The following MEIS2 variants were observed in gnomAD, a reference collection of about 807,000 sequenced individuals.
The protein encoded by MEIS2 is homeobox protein Meis2.
MEIS2 carries 9 observed loss-of-function variants against 58.6 expected under a neutral mutation model. The observed-to-expected ratio is 0.15, with a 90% CI of 0.09 to 0.27. MEIS2 has a LOEUF of 0.27. MEIS2 is among the 10% of genes least tolerant of loss of function. The pLI, the probability that MEIS2 is intolerant of heterozygous loss-of-function variation, is 1.00. For missense variants in MEIS2, 427 were observed against 635.0 expected, an observed-to-expected ratio of 0.67 and a Z score of 3.52; for synonymous variants, 221 against 228.4, an observed-to-expected ratio of 0.97 and a Z score of 0.29.
rs115403030 is a variant in MEIS2 at position 36,950,139 on chromosome 15, A to G, written c.977+185T>C. Among the ~76,000 whole-genome samples the G allele has an allele frequency of 5.7e-3, 867 of 152,056 alleles. 8 individuals are homozygous for G. Among genetic ancestry groups the G allele is most frequent in the African/African-American group, 0.019 (809 of 41,512 alleles). The stretch of plus-strand genomic sequence containing the variant: ...AAAAAGAAAAGGAATAAATCCTACA[A>G]AAACCATTTCCCTAGGTTACCTTTT... On this transcript the variant is annotated intron_variant, in intron 9 of 11. Transcript: ENST00000561208.
At position 37,079,735 on chromosome 15, in the gene MEIS2, C is replaced by T. The variant is rs1278404063; in HGVS notation, c.754+4036G>A. ...TAGCTATGAGGAATTCTAGCCTCAT[C>T]GCCTGGAAAATAGATGGGGACATCA... On this transcript the variant is annotated intron_variant, in intron 7 of 11. Coordinates refer to ENST00000561208, the MANE Select transcript of MEIS2 (RefSeq NM_170675.5). Among the ~76,000 whole-genome samples the T allele has an allele frequency of 1.1e-4, 16 of 152,170 alleles. No individual in the cohort carries two copies. The South Asian group carries it at 2.7e-3, about 26-fold the overall frequency.
intron 9 of MEIS2, among the ~76,000 whole-genome samples, chr15:36,924,133 A>G (rs2057641503): frequency 6.6e-6 from 1 of 152,230 alleles, no homozygotes; most frequent in African/African-American, 2.4e-5. Flanking sequence ...GCTAATCATT[A>G]CTTCATAAGC....
chr15:36,927,677 T>C (rs985806803), intron 9 of MEIS2, among the ~76,000 whole-genome samples: 1 of 151,928 alleles, frequency 6.6e-6, no homozygotes, highest in African/African-American at 2.4e-5. Flanking sequence ...CGTGTTTCTA[T>C]TTTAATATAA....
At chr15:36,958,686 T>G (rs1231922456) in intron 8 of MEIS2, among the ~76,000 whole-genome samples, 1 of 152,192 alleles carries the variant, frequency 6.6e-6, no homozygotes, top group Non-Finnish European at 1.5e-5. Context: ...AACAGAAATA[T>G]ATTCCCAAGG....
chr15:36,928,634 G>C (rs2057844662), intron 9 of MEIS2, among the ~76,000 whole-genome samples: 1 of 152,180 alleles, frequency 6.6e-6, no homozygotes, highest in African/African-American at 2.4e-5. Context: ...TGTACCCTCT[G>C]TTACCTAATC....
intron 7 of MEIS2, among the ~76,000 whole-genome samples, chr15:37,072,732 G>A (rs1890875578): frequency 6.6e-6 from 1 of 151,960 alleles, no homozygotes; most frequent in Non-Finnish European, 1.5e-5. Flanking sequence ...CAATGTGCGG[G>A]TTAGTTACAT....
chr15:36,930,265 C>T (rs2057923486), intron 9 of MEIS2, among the ~76,000 whole-genome samples: 3 of 145,892 alleles, frequency 2.1e-5, no homozygotes, highest in African/African-American at 5.1e-5. Context: ...GAATAAACCA[C>T]AGAGATATGT....
chr15:36,889,832 AAATAG>A lies in MEIS2; in HGVS notation c.*2336_*2340del, dbSNP rs1567009763. On this transcript the variant is annotated 3_prime_UTR_variant, in exon 12 of 12. Coordinates refer to ENST00000561208, the MANE Select transcript of MEIS2 (RefSeq NM_170675.5). The stretch of plus-strand genomic sequence containing the variant: ...AAAATTTACAAAAAGACTTCATGTA[AAATAG>A]AATAGCAAAAATGAGAGGGAAGCTA... 2 of 152,252 alleles carry A rather than the reference AAATAG, an allele frequency of 1.3e-5. No individual in the cohort carries two copies. The highest frequency in any genetic ancestry group is 4.1e-4 in the South Asian group (2 of 4,832). 9.4% of individuals were successfully genotyped at this position (152,252 alleles called of 1,614,324 possible). A position where few individuals can be genotyped will look rare whatever the true frequency, so the allele number is the denominator to read the frequency against.
At chr15:37,092,779 A>C in intron 6 of MEIS2, among the ~76,000 whole-genome samples, 1 of 130,828 alleles carries the variant, frequency 7.6e-6, no homozygotes, top group African/African-American at 2.9e-5. Context: ...GTTCCAAAAT[A>C]GGATTAGAAA....
In MEIS2 at chr15:36,892,107, G is replaced by C; in HGVS notation, c.*66C>G. 1 of 1,534,286 alleles carries C rather than the reference G, an allele frequency of 6.5e-7. No homozygotes were observed. Among genetic ancestry groups the C allele is most frequent in the Non-Finnish European group, 9.0e-7 (1 of 1,115,036 alleles). ...ATTTCATATTAAGTGTCAACATCTGGTCAAAGTTCAGAAAGTCTTAAAATA... is the reference window on the plus strand; with the variant it reads ...ATTTCATATTAAGTGTCAACATCTGCTCAAAGTTCAGAAAGTCTTAAAATA... On this transcript the variant is annotated 3_prime_UTR_variant, in exon 12 of 12. Coordinates refer to ENST00000561208, the MANE Select transcript of MEIS2 (RefSeq NM_170675.5).
chr15:37,039,082 G>A (rs1191338821), intron 7 of MEIS2, among the ~76,000 whole-genome samples: 2 of 152,182 alleles, frequency 1.3e-5, no homozygotes, highest in Non-Finnish European at 2.9e-5. Flanking sequence ...GATCTGAGGT[G>A]CTGTTCTGTA....
At chr15:37,053,341 T>A (rs182034040) in intron 7 of MEIS2, among the ~76,000 whole-genome samples, 2 of 152,324 alleles carry the variant, frequency 1.3e-5, no homozygotes, top group Admixed American at 1.3e-4. Context: ...AAAAACCGGC[T>A]GACTCGACAC....
At chr15:36,909,353 G>A (rs904772289) in intron 9 of MEIS2, among the ~76,000 whole-genome samples, 21 of 152,114 alleles carry the variant, frequency 1.4e-4, no homozygotes, top group Non-Finnish European at 1.9e-4. Context: ...TTGACACTGC[G>A]TCAGGAATAT....
intron 8 of MEIS2, among the ~76,000 whole-genome samples, chr15:36,954,424 TA>T (rs544505764): frequency 2.2e-3 from 328 of 148,524 alleles, no homozygotes; most frequent in African/African-American, 7.4e-3. Context: ...TTTAAAAATA[TA>T]ATATCAATTT....
rs1307234887 is a variant in MEIS2, at chr15:36,964,394, A to G, written c.901-13994T>C. 3.9e-5 allele frequency among the ~76,000 whole-genome samples: 6 copies of G among 152,334 alleles called. No homozygotes were observed. The East Asian group carries it at 1.2e-3, about 29-fold the overall frequency. ...CTGAAACAGGGAATGTCTCATTTAG[A>G]GTGCACAAGGAAAGCAAGGGAAATG... is the stretch of plus-strand genomic sequence containing the variant. On this transcript the variant is annotated intron_variant, in intron 8 of 11. Coordinates refer to ENST00000561208, the MANE Select transcript of MEIS2 (RefSeq NM_170675.5).
intron 7 of MEIS2, among the ~76,000 whole-genome samples, chr15:37,038,879 TC>T (rs1297627530): frequency 6.6e-6 from 1 of 152,218 alleles, no homozygotes; most frequent in Non-Finnish European, 1.5e-5. Context: ...GCACACGCTT[TC>T]CACCATGCCA....
chr15:37,060,288 C>T (rs566745518), intron 7 of MEIS2, among the ~76,000 whole-genome samples: 66 of 152,274 alleles, frequency 4.3e-4, no homozygotes, highest in African/African-American at 1.5e-3. Flanking sequence ...CACCTTTTAG[C>T]TACCTTGGAT....
intron 10 of MEIS2, among the ~76,000 whole-genome samples, chr15:36,895,983 A>G (rs2056154670): frequency 6.6e-6 from 1 of 152,230 alleles, no homozygotes; most frequent in African/African-American, 2.4e-5. Flanking sequence ...AACCCTCAGT[A>G]AACTGAGGAA....
intron 6 of MEIS2, among the ~76,000 whole-genome samples, chr15:37,093,097 T>C (rs1893747665): frequency 6.6e-6 from 1 of 152,198 alleles, no homozygotes; most frequent in Admixed American, 6.5e-5. Context: ...TCGAATGCAG[T>C]GCAAGATTGC....
Sources: gnomAD v4.1 joint callset for allele counts (sites outside exome capture counted in the v4.1 genomes callset) on GRCh38, gnomAD v4.1.1 for gene constraint, MANE v1.5 for transcripts, NCBI Gene and HGNC (gene_info 2026-07-23, HGNC 2026-07-21) for gene names.